TMEM74: variants seen among roughly 807,000 people sequenced by gnomAD.
The protein encoded by TMEM74 is transmembrane protein 74.
A neutral mutation model predicts 18.1 loss-of-function variants in TMEM74; 13 were observed. That is an observed-to-expected ratio of 0.72 (90% CI 0.47 to 1.14). The LOEUF (loss-of-function observed/expected upper bound fraction) is 1.14. Among genes scored for constraint, TMEM74 ranks in the 50% most tolerant of loss-of-function variants. TMEM74 has a pLI of 0.00. For synonymous variants in TMEM74, 159 were observed against 146.6 expected, an observed-to-expected ratio of 1.08 and a Z score of -0.61; for missense variants, 372 against 375.9, an observed-to-expected ratio of 0.99 and a Z score of 0.09.
chr8:108,767,570 A>G (rs1392545553), intron 1 of TMEM74, among the ~76,000 whole-genome samples: 1 of 152,156 alleles, frequency 6.6e-6, no homozygotes, highest in African/African-American at 2.4e-5. Context: ...CAAATTCTCC[A>G]TAGAATTTTG....
intron 2 of TMEM74, chr8:108,652,616 C>A: frequency 1.6e-6 from 1 of 625,994 alleles, no homozygotes; most frequent in Non-Finnish European, 3.0e-6. Flanking sequence ...AAGATAGTTG[C>A]AGTAAAGAAG....
chr8:108,651,213 A>T lies in TMEM74; in HGVS notation n.264+4080T>A, dbSNP rs62512408. ...AGTACCACTATACTTTGCAGTGGTT[A>T]TGACATTGCTGGAATATAGTAGAAC... is the stretch of plus-strand genomic sequence containing the variant. On this transcript the variant is annotated intron_variant and non_coding_transcript_variant, in intron 2 of 3. Transcript: ENST00000518838. 4.8e-3 allele frequency among the ~76,000 whole-genome samples: 732 copies of T among 152,330 alleles called. 4 individuals carry two copies. Among genetic ancestry groups the T allele is most frequent in the Non-Finnish European group, 8.4e-3 (571 of 68,026 alleles).
intron 2 of TMEM74, among the ~76,000 whole-genome samples, chr8:108,643,435 T>G (rs1812685591): frequency 6.6e-6 from 1 of 152,176 alleles, no homozygotes; most frequent in East Asian, 1.9e-4. Flanking sequence ...GTTGAAATAC[T>G]AATTTGTATA....
chr8:108,759,849 A>G lies in TMEM74; in HGVS notation n.119+27627T>C, dbSNP rs556814212. On this transcript the variant is annotated intron_variant and non_coding_transcript_variant, in intron 1 of 3. Transcript: ENST00000518838. The stretch of plus-strand genomic sequence containing the variant: ...GATAAACGTGCTGGGTTAAACCACT[A>G]TATATTTTGACCTGTAATAGGAAGA... Among the ~76,000 whole-genome samples, 62 of 152,220 alleles carry G rather than the reference A, an allele frequency of 4.1e-4. 1 individual carries two copies. Among genetic ancestry groups the G allele is most frequent in the Admixed American group, 3.8e-3 (58 of 15,278 alleles).
chr8:108,720,665 A>C (rs1421665181), intron 1 of TMEM74, among the ~76,000 whole-genome samples: 1 of 152,218 alleles, frequency 6.6e-6, no homozygotes, highest in Non-Finnish European at 1.5e-5. Context: ...CATAAAAAAG[A>C]CGATCAATAT....
intron 2 of TMEM74, among the ~76,000 whole-genome samples, chr8:108,617,722 G>A (rs1418970529): frequency 6.6e-6 from 1 of 152,034 alleles, no homozygotes; most frequent in Non-Finnish European, 1.5e-5. Context: ...AGATGTGGGG[G>A]AGAGAAAGTG....
At chr8:108,735,509 G>T (rs546123227) in intron 1 of TMEM74, among the ~76,000 whole-genome samples, 10 of 152,266 alleles carry the variant, frequency 6.6e-5, no homozygotes, top group Non-Finnish European at 1.5e-4. Context: ...ATGTTTTGAA[G>T]GTTCCTGCAT....
chr8:108,691,369 G>A (rs1274256094), intron 1 of TMEM74, among the ~76,000 whole-genome samples: 1 of 152,208 alleles, frequency 6.6e-6, no homozygotes, highest in East Asian at 1.9e-4. Context: ...TTCAACATGT[G>A]CCTGAAGTGC....
chr8:108,753,289 T>C (rs1484163653), intron 1 of TMEM74, among the ~76,000 whole-genome samples: 1 of 152,112 alleles, frequency 6.6e-6, no homozygotes, highest in Non-Finnish European at 1.5e-5. Context: ...CATTATCTTT[T>C]GGCATTGAAT....
intron 2 of TMEM74, among the ~76,000 whole-genome samples, chr8:108,610,538 T>C (rs2130532811): frequency 6.6e-6 from 1 of 152,120 alleles, no homozygotes; most frequent in African/African-American, 2.4e-5. Flanking sequence ...GGAAAATGGG[T>C]AAAATTCTTG....
chr8:108,637,599 G>C (rs941069897), intron 2 of TMEM74, among the ~76,000 whole-genome samples: 1 of 152,036 alleles, frequency 6.6e-6, no homozygotes, highest in African/African-American at 2.4e-5. Flanking sequence ...CATGTTGCTG[G>C]CTTTGAAAAG....
At chr8:108,765,849 C>T (rs1814100437) in intron 1 of TMEM74, among the ~76,000 whole-genome samples, 1 of 151,982 alleles carries the variant, frequency 6.6e-6, no homozygotes, top group Non-Finnish European at 1.5e-5. Flanking sequence ...ATGATGTATC[C>T]TTATCTAAAT....
At position 108,736,363 on chromosome 8, in the gene TMEM74, A is replaced by C. The variant is rs532147007; in HGVS notation, n.119+51113T>G. ...TTGTAAGTTATTTTTAAAATAATAA[A>C]TTGCATGATTCTTAGAATTAATGTC... On this transcript the variant is annotated intron_variant and non_coding_transcript_variant, in intron 1 of 3. Coordinates refer to the TMEM74 transcript ENST00000518838. 1.6e-3 allele frequency among the ~76,000 whole-genome samples: 251 copies of C among 152,254 alleles called. 1 individual carries two copies. Among genetic ancestry groups the C allele is most frequent in the African/African-American group, 5.7e-3 (235 of 41,558 alleles).
At chr8:108,626,461 A>G (rs1330450872) in intron 2 of TMEM74, 1 of 152,022 alleles carries the variant, frequency 6.6e-6, no homozygotes, top group Non-Finnish European at 1.5e-5. Flanking sequence ...GCCATGTAAC[A>G]ATCATGTTTA....
chr8:108,614,888 T>C lies in TMEM74; in HGVS notation n.265-6062A>G, dbSNP rs1586234275. Among the ~76,000 whole-genome samples the C allele has an allele frequency of 2.0e-5, 3 of 152,296 alleles. No individual in the cohort carries two copies. The East Asian group carries it at 5.8e-4, about 29-fold the overall frequency. On this transcript the variant is annotated intron_variant and non_coding_transcript_variant, in intron 2 of 3. Transcript: ENST00000518838. ...AATACAATAATCAAATAGGTGTTAG[T>C]AGTATAATGTAATTAAATTTATATT...
At chr8:108,774,280 A>T (rs1250177356), downstream of TMEM74, among the ~76,000 whole-genome samples, 1 of 152,200 alleles carries the variant, frequency 6.6e-6, no homozygotes, top group African/African-American at 2.4e-5. Flanking sequence ...ATGTGGCAAT[A>T]ATACCAAATG....
downstream of TMEM74, among the ~76,000 whole-genome samples, chr8:108,776,950 T>A (rs1398280748): frequency 6.6e-6 from 1 of 152,160 alleles, no homozygotes; most frequent in Non-Finnish European, 1.5e-5. Context: ...CATGAACATA[T>A]AGGATCCCAA....
intron 2 of TMEM74, among the ~76,000 whole-genome samples, chr8:108,622,226 C>T (rs1310090351): frequency 1.3e-5 from 2 of 152,096 alleles, no homozygotes; most frequent in Admixed American, 6.6e-5. Context: ...TAGATTCCAT[C>T]ACATTGACAA....
At chr8:108,751,534 C>G (rs937948605) in intron 1 of TMEM74, among the ~76,000 whole-genome samples, 2 of 152,040 alleles carry the variant, frequency 1.3e-5, no homozygotes, top group African/African-American at 4.8e-5. Context: ...CCAAGATGGA[C>G]ATTGGTTACA....
Sources: gnomAD v4.1 joint callset for allele counts (sites outside exome capture counted in the v4.1 genomes callset) on GRCh38, gnomAD v4.1.1 for gene constraint, MANE v1.5 for transcripts, NCBI Gene and HGNC (gene_info 2026-07-23, HGNC 2026-07-21) for gene names.